Variants in BOLL observed in about 807,000 individuals in gnomAD.
The protein encoded by BOLL is protein boule-like.
BOLL carries 23 observed loss-of-function variants against 44.4 expected under a neutral mutation model. The observed-to-expected ratio is 0.52, with a 90% CI of 0.37 to 0.73. BOLL has a LOEUF of 0.73. Ranked by LOEUF, BOLL falls within the 30% of genes least tolerant of loss-of-function variation. The probability of loss-of-function intolerance (pLI) is 0.00; values close to 1 mark genes in which losing one functional copy is unlikely to be tolerated. For synonymous variants in BOLL, 97 were observed against 110.8 expected (o/e 0.88, Z 0.78); for missense variants, 287 against 338.3 (o/e 0.85, Z 1.19).
upstream of BOLL, chr2:197,785,383 T>C: frequency 1.0e-6 from 1 of 985,982 alleles, no homozygotes; most frequent in Non-Finnish European, 1.2e-6. The surrounding 1 kb of genome is among the most constrained non-coding windows in gnomAD (Gnocchi z 6.7). Context: ...CGGGGCGGGA[T>C]GGCACGTTGC....
At chr2:197,769,683 C>G (rs1385736921) in intron 6 of BOLL, among the ~76,000 whole-genome samples, 3 of 152,124 alleles carry the variant, frequency 2.0e-5, no homozygotes, top group African/African-American at 7.2e-5. Flanking sequence ...GTGCAAAAAT[C>G]ACAAGCATTC....
rs140504678 is a variant in BOLL at position 197,748,971 on chromosome 2, C to T, written c.730-5812G>A. 5.0e-3 allele frequency among the ~76,000 whole-genome samples: 764 copies of T among 152,362 alleles called. 2 individuals carry two copies. The highest frequency in any genetic ancestry group is 0.017 in the African/African-American group (721 of 41,590). The stretch of plus-strand genomic sequence containing the variant: ...ACCTCCTAGCAGGGGTTGACAGACA[C>T]CTCATACAGGAGAGCTCCAGTTGGC... On this transcript the variant is annotated intron_variant, in intron 9 of 10. Coordinates refer to ENST00000392296, the MANE Select transcript of BOLL (RefSeq NM_033030.6).
At chr2:197,749,640 T>C (rs1035173680) in intron 9 of BOLL, among the ~76,000 whole-genome samples, 1 of 151,500 alleles carries the variant, frequency 6.6e-6, no homozygotes, top group African/African-American at 2.4e-5. Flanking sequence ...ATATCAGAGA[T>C]GGAAGATTGA....
rs1432014139 is a variant in BOLL at position 197,766,599 on chromosome 2, C to A, written c.485G>T (p.Arg162Leu). Residue 162 changes from arginine to leucine, a missense_variant, in exon 7 of 11, where the codon CGT (arginine) becomes CTT (leucine). Coordinates refer to ENST00000392296, the MANE Select transcript of BOLL (RefSeq NM_033030.6). ...VTSVPPPWPSRSVCSSPVMVA... is the reference protein window; with the variant it reads ...VTSVPPPWPSLSVCSSPVMVA... ...CATCACAGGGGAGCTACATACAGAA[C>A]GTGACTATAAAAGGATGGAAAAAGA... The A allele has an allele frequency of 3.7e-6, 6 of 1,611,116 alleles. No individual in the cohort carries two copies. The highest frequency in any genetic ancestry group is 1.7e-5 in the Admixed American group (1 of 59,792).
chr2:197,745,252 A>AT (rs1491395909), intron 9 of BOLL, among the ~76,000 whole-genome samples: 1 of 152,182 alleles, frequency 6.6e-6, no homozygotes, highest in Non-Finnish European at 1.5e-5. Flanking sequence ...TTTTAAAAAA[A>AT]GAAATTTGAC....
chr2:197,743,820 C>CT (rs943408668), intron 9 of BOLL, among the ~76,000 whole-genome samples: 23 of 148,456 alleles, frequency 1.5e-4, no homozygotes, highest in South Asian at 2.1e-4. Flanking sequence ...ATTCTTTTTT[C>CT]TTTTTTTTTT....
chr2:197,744,843 G>A (rs1687917404), intron 9 of BOLL, among the ~76,000 whole-genome samples: 1 of 152,274 alleles, frequency 6.6e-6, no homozygotes, highest in South Asian at 2.1e-4. Flanking sequence ...ATTCCTCAAA[G>A]TAACACAGTA....
chr2:197,770,410 G>T (rs1238659567), intron 6 of BOLL, among the ~76,000 whole-genome samples: 4 of 152,106 alleles, frequency 2.6e-5, no homozygotes, highest in African/African-American at 9.7e-5. Flanking sequence ...GAAAACCTAG[G>T]CAATACCATT....
intron 10 of BOLL, among the ~76,000 whole-genome samples, chr2:197,734,002 A>C (rs1687347140): frequency 6.6e-6 from 1 of 151,806 alleles, no homozygotes; most frequent in African/African-American, 2.4e-5. Flanking sequence ...CAGCAAAAGA[A>C]ACTACCATCA....
At chr2:197,748,570 G>A (rs931851462) in intron 9 of BOLL, among the ~76,000 whole-genome samples, 16 of 152,190 alleles carry the variant, frequency 1.1e-4, no homozygotes, top group Non-Finnish European at 1.9e-4. Context: ...TGCCATTACT[G>A]AGGCTTGAGT....
chr2:197,741,230 T>A (rs1559394364), intron 10 of BOLL, among the ~76,000 whole-genome samples: 1 of 152,190 alleles, frequency 6.6e-6, no homozygotes, highest in Non-Finnish European at 1.5e-5. Context: ...GGTATTTTAT[T>A]CTCTTTGAAG....
intron 10 of BOLL, among the ~76,000 whole-genome samples, chr2:197,733,547 C>T (rs1274103874): frequency 1.3e-4 from 19 of 146,420 alleles, no homozygotes; most frequent in African/African-American, 2.3e-4. Context: ...CATCACGCTA[C>T]CTGACTTCAA....
chr2:197,782,287 A>G (rs190270130), intron 1 of BOLL, among the ~76,000 whole-genome samples: 109 of 152,286 alleles, frequency 7.2e-4, no homozygotes, highest in Non-Finnish European at 1.3e-3. Context: ...CAGAACACCA[A>G]CATCAGACAA....
rs1219705273 is a variant in BOLL at position 197,743,169 on chromosome 2, A to T, written c.730-10T>A. On this transcript the variant is annotated splice_polypyrimidine_tract_variant and intron_variant, in intron 9 of 10. Transcript: ENST00000392296. ...CATGATCAGAATAAGGCTATTACAA[A>T]AAAAGAGAGAAAAAATGTCACCTTT... The T allele has an allele frequency of 1.3e-6, 2 of 1,545,790 alleles. No individual in the cohort carries two copies. Among genetic ancestry groups the T allele is most frequent in the South Asian group, 1.2e-5 (1 of 82,018 alleles).
At chr2:197,776,075 A>G (rs1224873136) in intron 4 of BOLL, among the ~76,000 whole-genome samples, 1 of 151,116 alleles carries the variant, frequency 6.6e-6, no homozygotes, top group Admixed American at 6.6e-5. Context: ...GCGGCGGAAA[A>G]TTTGAGTAGC....
At chr2:197,756,611 C>T in intron 8 of BOLL, 55 bp from the exon 9 acceptor site, 17 of 1,477,768 alleles carry the variant, frequency 1.2e-5, no homozygotes, top group South Asian at 4.0e-5. Flanking sequence ...TTCTGTTAAA[C>T]CAAATGACTT....
chr2:197,745,641 G>A (rs1687954676), intron 9 of BOLL, among the ~76,000 whole-genome samples: 1 of 152,038 alleles, frequency 6.6e-6, no homozygotes, highest in Non-Finnish European at 1.5e-5. Context: ...ACAACAAAAA[G>A]AACAAAATAT....
chr2:197,739,345 T>C (rs1002688128), intron 10 of BOLL, among the ~76,000 whole-genome samples: 2 of 152,164 alleles, frequency 1.3e-5, no homozygotes, highest in Non-Finnish European at 2.9e-5. Flanking sequence ...CACTGTAACC[T>C]TGAACCTTTG....
In BOLL at chr2:197,774,908, C is replaced by T. The variant is rs578034757; in HGVS notation, c.352+757G>A. On this transcript the variant is annotated intron_variant, in intron 5 of 10. Transcript: ENST00000392296. ...AAAAGCATAACAGTCCAAATGAATA[C>T]AATCTATTAATTTGTTAACAGATTA... is the stretch of plus-strand genomic sequence containing the variant. The T allele has an allele frequency of 7.2e-5, 11 of 151,822 alleles. No homozygotes were observed. The South Asian group carries it at 2.3e-3, about 31-fold the overall frequency. The allele number at this position is 151,822 out of a possible 1,614,324, so 9.4% of individuals were successfully genotyped here. A position where few individuals can be genotyped will look rare whatever the true frequency, so the allele number is the denominator to read the frequency against.
Sources: gnomAD v4.1 joint callset for allele counts (sites outside exome capture counted in the v4.1 genomes callset) on GRCh38, gnomAD v4.1.1 for gene constraint, Gnocchi (gnomAD v3.1) non-coding constraint, MANE v1.5 for transcripts, NCBI Gene and HGNC (gene_info 2026-07-23, HGNC 2026-07-21) for gene names.